Variants in PARD3B observed in about 807,000 individuals in gnomAD.
The protein encoded by PARD3B is partitioning defective 3 homolog B.
In PARD3B, 103 loss-of-function variants were observed where a neutral mutation model predicts 130.2. That is an observed-to-expected ratio of 0.79 (90% CI 0.67 to 0.93). The LOEUF is 0.93. Ranked by LOEUF, PARD3B falls within the 40% of genes least tolerant of loss-of-function variation. The pLI is 0.00. For synonymous variants in PARD3B, 583 were observed against 553.2 expected, an observed-to-expected ratio of 1.05 and a Z score of -0.76; for missense variants, 1,609 against 1,499.2, an observed-to-expected ratio of 1.07 and a Z score of -1.21.
At chr2:205,610,120 T>C (rs1442899055) in intron 22 of PARD3B, among the ~76,000 whole-genome samples, 1 of 152,222 alleles carries the variant, frequency 6.6e-6, no homozygotes, top group East Asian at 1.9e-4. Context: ...GGCAGAGAAG[T>C]TTGCATAATT....
chr2:204,714,202 A>G (rs1248526504), intron 2 of PARD3B, among the ~76,000 whole-genome samples: 1 of 152,098 alleles, frequency 6.6e-6, no homozygotes, highest in Non-Finnish European at 1.5e-5. Flanking sequence ...CACAATAGAT[A>G]TTTTCCCATT....
chr2:205,519,805 G>A (rs2050957305), intron 21 of PARD3B, among the ~76,000 whole-genome samples: 1 of 152,160 alleles, frequency 6.6e-6, no homozygotes, highest in Non-Finnish European at 1.5e-5. Flanking sequence ...GTCTTTATTT[G>A]AAGCTGACTT....
intron 21 of PARD3B, among the ~76,000 whole-genome samples, chr2:205,537,070 T>A (rs11684023): frequency 0.96 from 146,199 of 152,250 alleles, 70,486 homozygotes; most frequent in East Asian, 1. Context: ...ATGAGTAGAG[T>A]TCCTTATATA....
chr2:205,608,650 A>G (rs978832241), intron 22 of PARD3B, among the ~76,000 whole-genome samples: 1 of 152,198 alleles, frequency 6.6e-6, no homozygotes, highest in African/African-American at 2.4e-5. Context: ...TTTTAGCAGG[A>G]CCATTTTTAG....
intron 1 of PARD3B, among the ~76,000 whole-genome samples, chr2:204,663,114 G>A (rs1355863575): frequency 6.6e-6 from 1 of 152,142 alleles, no homozygotes; most frequent in Non-Finnish European, 1.5e-5. Flanking sequence ...AGTTCGCCAT[G>A]ACGAACATGT....
Position 204,732,644 on chromosome 2 carries a change from ACTT to A in PARD3B, c.222+46370_222+46372del, listed in dbSNP as rs368105162. ...CTCAGCCTAAAAGTAAGGATTTCTTACTTCTTCTTCACATCTCCCCCTTTAGAG... is the reference window on the plus strand; with the variant it reads ...CTCAGCCTAAAAGTAAGGATTTCTTACTTCTTCACATCTCCCCCTTTAGAG... On this transcript the variant is annotated intron_variant, in intron 2 of 22. Transcript: ENST00000406610. Among the ~76,000 whole-genome samples, 11 of 151,426 alleles carry A rather than the reference ACTT, an allele frequency of 7.3e-5. No individual in the cohort carries two copies. In the East Asian group the frequency reaches 1.8e-3, roughly 24 times the overall value.
intron 18 of PARD3B, among the ~76,000 whole-genome samples, chr2:205,318,161 A>G (rs2042624237): frequency 6.6e-6 from 1 of 152,136 alleles, no homozygotes; most frequent in Non-Finnish European, 1.5e-5. Flanking sequence ...CTTCTCCCCC[A>G]GGGACTGTAA....
chr2:204,793,681 G>T (rs2042272548), intron 2 of PARD3B, among the ~76,000 whole-genome samples: 1 of 151,856 alleles, frequency 6.6e-6, no homozygotes, highest in Non-Finnish European at 1.5e-5. Flanking sequence ...CCAATTTTTT[G>T]TATTTTTAGT....
chr2:205,195,052 G>GCCTC (rs2036607089), intron 15 of PARD3B, among the ~76,000 whole-genome samples: 1 of 150,472 alleles, frequency 6.6e-6, no homozygotes, highest in Admixed American at 6.7e-5. Flanking sequence ...ACCCACCTTG[G>GCCTC]CCTCCCAAAG....
At chr2:205,054,402 T>TATATATATA (rs1559392745) in intron 4 of PARD3B, among the ~76,000 whole-genome samples, 11 of 39,258 alleles carry the variant, frequency 2.8e-4, no homozygotes, top group Non-Finnish European at 5.2e-4. Flanking sequence ...ATGACATGTC[T>TATATATATA]TTTATATATA....
chr2:204,570,392 G>T (rs2125067266), intron 1 of PARD3B, among the ~76,000 whole-genome samples: 1 of 152,280 alleles, frequency 6.6e-6, no homozygotes, highest in Non-Finnish European at 1.5e-5. Context: ...AGGCTGCTTT[G>T]TGCCGCCTTC....
At chr2:204,773,697 A>G (rs571343566) in intron 2 of PARD3B, among the ~76,000 whole-genome samples, 2 of 152,182 alleles carry the variant, frequency 1.3e-5, no homozygotes, top group South Asian at 2.1e-4. Flanking sequence ...TATAATCTCT[A>G]CTATTGCCTT....
chr2:204,837,975 T>C (rs943611351), intron 2 of PARD3B, among the ~76,000 whole-genome samples: 6 of 148,544 alleles, frequency 4.0e-5, no homozygotes, highest in East Asian at 1.9e-4. Flanking sequence ...GCCCTAAGCA[T>C]TGGGGCTACC....
In PARD3B at chr2:204,986,101, CAAAAAAAAAAA is replaced by C. The variant is rs371839271; in HGVS notation, c.394+20793_394+20803del. ...GGACAACAGAGCGAGACTCTGTCTCCAAAAAAAAAAAAAAAAAAAAAAAAAGAGCTTATCTG... is the reference window on the plus strand; with the variant it reads ...GGACAACAGAGCGAGACTCTGTCTCCAAAAAAAAAAAAAAGAGCTTATCTG... On this transcript the variant is annotated intron_variant, in intron 3 of 22. Transcript: ENST00000406610. Among the ~76,000 whole-genome samples, 5 of 51,252 alleles carry C rather than the reference CAAAAAAAAAAA, an allele frequency of 9.8e-5. No individual in the cohort carries two copies. The South Asian group carries it at 6.8e-3, about 70-fold the overall frequency. The allele number at this position is 51,252 out of a possible 152,430, so 33.6% of individuals were successfully genotyped here.
chr2:204,988,647 T>C (rs1363244704), intron 3 of PARD3B, among the ~76,000 whole-genome samples: 2 of 152,222 alleles, frequency 1.3e-5, no homozygotes, highest in Admixed American at 6.5e-5. Context: ...AAAATAAAAA[T>C]AAATGAATTT....
At chr2:204,801,983 TTTTG>T (rs2042586890) in intron 2 of PARD3B, among the ~76,000 whole-genome samples, 1 of 152,180 alleles carries the variant, frequency 6.6e-6, no homozygotes, top group Non-Finnish European at 1.5e-5. Flanking sequence ...TTGTCATTGG[TTTTG>T]TTTATGTGAT....
intron 21 of PARD3B, among the ~76,000 whole-genome samples, chr2:205,513,150 G>T (rs141568027): frequency 1.3e-5 from 2 of 151,960 alleles, no homozygotes; most frequent in Non-Finnish European, 2.9e-5. Context: ...GGAGGAAATC[G>T]TGCTCTCACA....
intron 21 of PARD3B, among the ~76,000 whole-genome samples, chr2:205,537,740 C>T (rs1376421851): frequency 6.6e-6 from 1 of 152,216 alleles, no homozygotes; most frequent in East Asian, 1.9e-4. Context: ...GTCACTAGAA[C>T]TACACACACA....
At chr2:204,934,518 T>G (rs13421467) in intron 2 of PARD3B, among the ~76,000 whole-genome samples, 1 of 152,116 alleles carries the variant, frequency 6.6e-6, no homozygotes, top group Non-Finnish European at 1.5e-5. Flanking sequence ...TCAATTACAC[T>G]CAGTGACGTG....
Sources: gnomAD v4.1 joint callset for allele counts (sites outside exome capture counted in the v4.1 genomes callset) on GRCh38, gnomAD v4.1.1 for gene constraint, MANE v1.5 for transcripts, NCBI Gene and HGNC (gene_info 2026-07-23, HGNC 2026-07-21) for gene names.